VAX1: variants seen among roughly 807,000 people sequenced by gnomAD.
VAX1 encodes ventral anterior homeobox 1.
VAX1 carries 6 observed loss-of-function variants against 17.6 expected under a neutral mutation model. That is an observed-to-expected ratio of 0.34 (90% CI 0.19 to 0.67). VAX1 has a LOEUF of 0.67. Ranked by LOEUF, VAX1 falls within the 30% of genes least tolerant of loss-of-function variation. VAX1 has a pLI of 0.69. For synonymous variants in VAX1, 256 were observed against 227.4 expected (o/e 1.13, Z -1.13); for missense variants, 408 against 463.7 (o/e 0.88, Z 1.10).
chr10:117,137,910 G>A lies in VAX1; in HGVS notation c.147C>T (p.Gly49=). The part of the protein sequence containing the change: ...LPAAFLKEPQ[G]AFSASGAAED... ...CAGCAGCGCCCGACGCTGAGAAGGC[G>A]CCCTGCGGCTCCTTGAGGAAGGCGG... The change falls in exon 1 of 3, where the codon GGC becomes GGT. Residue 49 remains glycine (G), a synonymous_variant. Transcript: ENST00000369206. The surrounding 1 kb of genome is among the most constrained non-coding windows in gnomAD (Gnocchi z 7.4). The A allele has an allele frequency of 6.2e-7, 1 of 1,613,878 alleles. No individual in the cohort carries two copies. Among genetic ancestry groups the A allele is most frequent in the Non-Finnish European group, 8.5e-7 (1 of 1,179,978 alleles).
chr10:117,138,013 T>C lies in VAX1; in HGVS notation c.44A>G (p.Asp15Gly). The C allele has an allele frequency of 6.3e-7, 1 of 1,584,156 alleles. No homozygotes were observed. Among genetic ancestry groups the C allele is most frequent in the Non-Finnish European group, 8.6e-7 (1 of 1,164,274 alleles). Residue 15 changes from aspartate to glycine, a missense_variant, in exon 1 of 3, where the codon GAC (aspartate) becomes GGC (glycine). Transcript: ENST00000369206. ...PDKMDVRCHS[D>G]AEAARVSKNA... ...CTTCGAGACCCGGGCAGCCTCGGCG[T>C]CCGAGTGGCATCGAACGTCCATTTT...
At position 117,134,357 on chromosome 10, in the gene VAX1, G is replaced by A; in HGVS notation, c.656C>T (p.Ala219Val). 8.8e-7 allele frequency: 1 copy of A among 1,140,520 alleles called. No individual in the cohort carries two copies. Among genetic ancestry groups the A allele is most frequent in the Non-Finnish European group, 1.1e-6 (1 of 930,210 alleles). The allele number at this position is 1,140,520 out of a possible 1,614,324, so 70.7% of individuals were successfully genotyped here. The change falls in exon 3 of 3, where the codon GCG becomes GTG. Residue 219 changes from alanine to valine, a missense_variant. Physicochemically the swap from Ala to Val is moderately conservative, Grantham distance 64 (BLOSUM62 0). Around this residue, in one of 4 missense-constraint regions of VAX1, gnomAD observed 196 missense variants for 218.7 expected, o/e 0.90. Transcript: ENST00000369206. The surrounding 1 kb of genome is among the most constrained non-coding windows in gnomAD (Gnocchi z 6.2). ...LRGPSLPALG[A>V]GAAAGSAAAA... The stretch of plus-strand genomic sequence containing the variant: ...GGCGGCCGAGCCTGCAGCGGCGCCC[G>A]CGCCCAGGGCCGGCAAGCTGGGCCC...
downstream of VAX1, among the ~76,000 whole-genome samples, chr10:117,132,894 G>A (rs1854109665): frequency 6.6e-6 from 1 of 152,206 alleles, no homozygotes. This position sits in a 1 kb window ranked among gnomAD's most constrained non-coding sequence, Gnocchi z 4.9. Context: ...CCTGCGTGCA[G>A]GAAGGGTTTT....
In VAX1 at chr10:117,137,948, C is replaced by T. The variant is rs369123910; in HGVS notation, c.109G>A (p.Gly37Arg). 1.2e-6 allele frequency: 2 copies of T among 1,613,858 alleles called. No individual in the cohort carries two copies. Among genetic ancestry groups the T allele is most frequent in the Non-Finnish European group, 1.7e-6 (2 of 1,180,000 alleles). Residue 37 changes from glycine (G) to arginine (R), a missense_variant, in exon 1 of 3, where the codon GGG (glycine) becomes AGG (arginine). Gly to Arg is a moderately radical substitution (Grantham distance 125). Coordinates refer to ENST00000369206, the MANE Select transcript of VAX1 (RefSeq NM_001112704.2). This position sits in a 1 kb window ranked among gnomAD's most constrained non-coding sequence, Gnocchi z 7.4. ...TTGAGGAAGGCGGCTGGGAGGTTCC[C>T]CTCCGCGCCCTTGCTCTCCCGACTC... ...KESRESKGAE[G>R]NLPAAFLKEP...
At position 117,134,412 on chromosome 10, in the gene VAX1, C is replaced by T. The variant is rs200933454; in HGVS notation, c.601G>A (p.Ala201Thr). 519 of 1,490,056 alleles carry T rather than the reference C, an allele frequency of 3.5e-4. 1 individual carries two copies. Among genetic ancestry groups the T allele is most frequent in the Non-Finnish European group, 4.5e-4 (502 of 1,126,948 alleles). 92.3% of individuals were successfully genotyped at this position (1,490,056 alleles called of 1,614,324 possible). A position where few individuals can be genotyped will look rare whatever the true frequency, so the allele number is the denominator to read the frequency against. Residue 201 changes from alanine (A) to threonine (T), a missense_variant, in exon 3 of 3, where the codon GCC (alanine) becomes ACC (threonine). By Grantham distance (58) the Ala-to-Thr change is moderately conservative. Transcript: ENST00000369206. This position sits in a 1 kb window ranked among gnomAD's most constrained non-coding sequence, Gnocchi z 6.2. ...PGLPALLPPC[A>T]TGALGSALRG... ...AGCGCTGAGCCGAGAGCGCCCGTGGCGCAAGGCGGCAGCAGCGCAGGCAGG... is the reference window on the plus strand; with the variant it reads ...AGCGCTGAGCCGAGAGCGCCCGTGGTGCAAGGCGGCAGCAGCGCAGGCAGG...
In VAX1 at chr10:117,134,129, A is replaced by G. The variant is rs1348710977; in HGVS notation, c.884T>C (p.Met295Thr). 1.3e-6 allele frequency: 2 copies of G among 1,536,226 alleles called. No individual in the cohort carries two copies. The highest frequency in any genetic ancestry group is 3.4e-4 in the Middle Eastern group (2 of 5,956). Reference sequence around the variant, plus strand: ...CAAATTCCCAGCTAGCGAACCAGCCATTGTTAACGGGGCGGAGGACAGGCG... The same window carrying G: ...CAAATTCCCAGCTAGCGAACCAGCCGTTGTTAACGGGGCGGAGGACAGGCG... ...ASRLSSAPLT[M>T]AGSLAGNLQE... The change falls in exon 3 of 3, where the codon ATG (methionine) becomes ACG (threonine). Residue 295 changes from methionine to threonine, a missense_variant. Around this residue, in one of 4 missense-constraint regions of VAX1, gnomAD observed 196 missense variants for 218.7 expected, o/e 0.90. Coordinates refer to ENST00000369206, the MANE Select transcript of VAX1 (RefSeq NM_001112704.2). The surrounding 1 kb of genome is among the most constrained non-coding windows in gnomAD (Gnocchi z 6.2).
rs1477674314 is a variant in VAX1 at position 117,136,707 on chromosome 10, A to T, written c.242-48T>A. On this transcript the variant is annotated intron_variant, in intron 1 of 2. Coordinates refer to ENST00000369206, the MANE Select transcript of VAX1 (RefSeq NM_001112704.2). This position sits in a 1 kb window ranked among gnomAD's most constrained non-coding sequence, Gnocchi z 5.0. ...CGCCAGAACCCTCCCGTCCCCCTCC[A>T]CCTCCTTGGCCCGAGCTGGATTTGG... The T allele has an allele frequency of 3.2e-6, 5 of 1,572,430 alleles. No individual in the cohort carries two copies. The East Asian group carries it at 1.1e-4, about 36-fold the overall frequency.
At chr10:117,135,198 G>A (rs950401170) in intron 2 of VAX1, among the ~76,000 whole-genome samples, 1 of 152,224 alleles carries the variant, frequency 6.6e-6, no homozygotes, top group Non-Finnish European at 1.5e-5. Context: ...AGCAAGCAGG[G>A]AAAGTGGCTG....
Position 117,136,129 on chromosome 10 carries a change from A to G in VAX1, c.429+343T>C, listed in dbSNP as rs1854174118. ...TAGCCAAAATGGGGTACCCCAAACA[A>G]GGGCAAAAGTCAGTTCTTTGTAGAG... On this transcript the variant is annotated intron_variant, in intron 2 of 2. Coordinates refer to ENST00000369206, the MANE Select transcript of VAX1 (RefSeq NM_001112704.2). This position sits in a 1 kb window ranked among gnomAD's most constrained non-coding sequence, Gnocchi z 5.0. 6.6e-6 allele frequency among the ~76,000 whole-genome samples: 1 copy of G among 152,262 alleles called. No individual in the cohort carries two copies. The highest frequency in any genetic ancestry group is 2.4e-5 in the African/African-American group (1 of 41,474).
chr10:117,132,481 GA>G (rs761920844), downstream of VAX1: 40,705 of 1,007,496 alleles, frequency 0.04, 1 homozygote, highest in South Asian at 0.053. The surrounding 1 kb of genome is among the most constrained non-coding windows in gnomAD (Gnocchi z 4.9). Flanking sequence ...TATTTGCCTA[GA>G]AAAAAAAAAA....
downstream of VAX1, chr10:117,132,361 C>G (rs1589945265): frequency 5.6e-6 from 9 of 1,610,850 alleles, no homozygotes; most frequent in South Asian, 8.9e-5. This position sits in a 1 kb window ranked among gnomAD's most constrained non-coding sequence, Gnocchi z 4.9. Flanking sequence ...ATATTTCACT[C>G]TCACCACATA....
Position 117,136,576 on chromosome 10 carries a change from C to T in VAX1, c.325G>A (p.Ala109Thr), listed in dbSNP as rs1854183730. ...ATCTCCAGCCGATAGAGCTGCTCCG[C>T]GGTGAAGGACGTGCGCGTCCTCTTA... ...RPKRTRTSFT[A>T]EQLYRLEMEF... Residue 109 changes from alanine (A) to threonine (T), a missense_variant, in exon 2 of 3, where the codon GCG becomes ACG. Transcript: ENST00000369206. The surrounding 1 kb of genome is among the most constrained non-coding windows in gnomAD (Gnocchi z 5.0). 6.2e-7 allele frequency: 1 copy of T among 1,613,792 alleles called. No individual in the cohort carries two copies. Among genetic ancestry groups the T allele is most frequent in the Admixed American group, 1.7e-5 (1 of 60,012 alleles).
intron 2 of VAX1, among the ~76,000 whole-genome samples, chr10:117,135,667 G>A (rs562603848): frequency 2.0e-5 from 3 of 152,238 alleles, no homozygotes; most frequent in Admixed American, 6.5e-5. Context: ...AAAGAAGGCT[G>A]CCGTAGCTAG....
chr10:117,132,200 G>A, downstream of VAX1: 1 of 1,604,836 alleles, frequency 6.2e-7, no homozygotes, highest in Non-Finnish European at 8.5e-7. The surrounding 1 kb of genome is among the most constrained non-coding windows in gnomAD (Gnocchi z 4.9). Context: ...CCAGTCGCAG[G>A]GCCCCGCACT....
downstream of VAX1, among the ~76,000 whole-genome samples, chr10:117,132,958 C>T (rs913013608): frequency 3.3e-5 from 5 of 152,186 alleles, no homozygotes; most frequent in African/African-American, 1.2e-4. The surrounding 1 kb of genome is among the most constrained non-coding windows in gnomAD (Gnocchi z 4.9). Context: ...GTTTTCCAAA[C>T]CGAGCAATTG....
chr10:117,134,453 A>C lies in VAX1; in HGVS notation c.560T>G (p.Leu187Arg). 1 of 1,511,930 alleles carries C rather than the reference A, an allele frequency of 6.6e-7. No individual in the cohort carries two copies. The allele number at this position is 1,511,930 out of a possible 1,614,324, so 93.7% of individuals were successfully genotyped here. A position where few individuals can be genotyped will look rare whatever the true frequency, so the allele number is the denominator to read the frequency against. Residue 187 changes from leucine (L) to arginine (R), a missense_variant, in exon 3 of 3, where the codon CTG (leucine) becomes CGG (arginine). By Grantham distance (102) the Leu-to-Arg change is moderately radical. Coordinates refer to ENST00000369206, the MANE Select transcript of VAX1 (RefSeq NM_001112704.2). This position sits in a 1 kb window ranked among gnomAD's most constrained non-coding sequence, Gnocchi z 6.2. ...CGCAGGCAGGCCGGGCGGCGACAAC[A>C]GGCGGCCCTGCTCCAGCAGCCGTAG... is the stretch of plus-strand genomic sequence containing the variant. ...SVLRLLEQGR[L>R]LSPPGLPALL...
chr10:117,138,221 C>T lies in VAX1; in HGVS notation c.-165G>A. On this transcript the variant is annotated 5_prime_UTR_variant, in exon 1 of 3. Coordinates refer to ENST00000369206, the MANE Select transcript of VAX1 (RefSeq NM_001112704.2). ...AGGCAAGGGGCAAGAATGAATGTCCCCGCGGGGAGGCTTCGGCGGCCGCGC... is the reference window on the plus strand; with the variant it reads ...AGGCAAGGGGCAAGAATGAATGTCCTCGCGGGGAGGCTTCGGCGGCCGCGC... 1.1e-6 allele frequency: 1 copy of T among 871,926 alleles called. No individual in the cohort carries two copies. The highest frequency in any genetic ancestry group is 2.9e-5 in the Admixed American group (1 of 34,916). The allele number at this position is 871,926 out of a possible 1,614,324, so 54.0% of individuals were successfully genotyped here.
chr10:117,131,807 A>G (rs544634494), downstream of VAX1: 164 of 177,702 alleles, frequency 9.2e-4, 6 homozygotes, highest in South Asian at 0.029. Flanking sequence ...TATCGATTTC[A>G]GTCTCCTGCT....
Position 117,134,272 on chromosome 10 carries a change from C to G in VAX1, c.741G>C (p.Val247=), listed in dbSNP as rs1435051639. 1.6e-6 allele frequency: 2 copies of G among 1,286,594 alleles called. No individual in the cohort carries two copies. Among genetic ancestry groups the G allele is most frequent in the South Asian group, 5.1e-5 (2 of 39,404 alleles). The allele number at this position is 1,286,594 out of a possible 1,614,324, so 79.7% of individuals were successfully genotyped here. Residue 247 remains valine, a synonymous_variant, in exon 3 of 3, where the codon GTG becomes GTC. Coordinates refer to ENST00000369206, the MANE Select transcript of VAX1 (RefSeq NM_001112704.2). The surrounding 1 kb of genome is among the most constrained non-coding windows in gnomAD (Gnocchi z 6.2). ...CGGGCCCGGGACCTGGAGCACCGCC[C>G]ACAGCCGGCGGGTGCGGGGATGCAG... ...AGAASPHPPA[V]GGAPGPGPAG...
Sources: gnomAD v4.1 joint callset for allele counts (sites outside exome capture counted in the v4.1 genomes callset) on GRCh38, gnomAD v4.1.1 for gene constraint, gnomAD v4.1.1 regional missense constraint, Gnocchi (gnomAD v3.1) non-coding constraint, MANE v1.5 for transcripts, NCBI Gene and HGNC (gene_info 2026-07-23, HGNC 2026-07-21) for gene names.